Variants in RASA2 observed in about 807,000 individuals in gnomAD.
RASA2 encodes RAS p21 protein activator 2.
RASA2 carries 155 observed loss-of-function variants against 118.2 expected under a neutral mutation model. The ratio of observed to expected loss-of-function variants is 1.31; its 90% CI spans 1.15 to 1.50. RASA2 has a LOEUF of 1.50. RASA2 is among the 40% of genes most tolerant of loss of function. RASA2 has a pLI of 0.00. For missense variants in RASA2, 1,016 were observed against 1,009.6 expected, an observed-to-expected ratio of 1.01 and a Z score of -0.09; for synonymous variants, 353 against 349.1, an observed-to-expected ratio of 1.01 and a Z score of -0.12.
Position 141,574,067 on chromosome 3 carries a change from A to G in RASA2, c.1483A>G (p.Asn495Asp). 2.0e-6 allele frequency: 3 copies of G among 1,468,756 alleles called. No individual in the cohort carries two copies. The highest frequency in any genetic ancestry group is 2.7e-6 in the Non-Finnish European group (3 of 1,101,046). The allele number at this position is 1,468,756 out of a possible 1,614,324, so 91.0% of individuals were successfully genotyped here. The stretch of plus-strand genomic sequence containing the variant: ...GCAGATGGCTACTCAGAGATTTCCT[A>G]GTAAGTGCCTTGTTTTACTAAAACA... ...LRQMATQRFP[N>D]DPHVQYSAVS... The change falls in exon 14 of 24, where the codon AAT (asparagine) becomes GAT (aspartate). Residue 495 changes from asparagine (N) to aspartate (D), a missense_variant and splice_region_variant. Transcript: ENST00000286364.
chr3:141,572,805 A>G, intron 12 of RASA2, 82 bp downstream of exon 12: 1 of 1,079,802 alleles, frequency 9.3e-7, no homozygotes, highest in Non-Finnish European at 1.3e-6. Context: ...GATGGGAAGG[A>G]TTTATTCATT....
chr3:141,551,470 A>C (rs549498053), intron 5 of RASA2, among the ~76,000 whole-genome samples: 1 of 152,232 alleles, frequency 6.6e-6, no homozygotes, highest in South Asian at 2.1e-4. Context: ...TACTCAGCTG[A>C]ATACTCAGTG....
intron 17 of RASA2, among the ~76,000 whole-genome samples, chr3:141,582,821 A>G (rs1297929605): frequency 6.6e-6 from 1 of 152,250 alleles, no homozygotes; most frequent in East Asian, 1.9e-4. Context: ...GCCTAGTGAC[A>G]TTTACTATTG....
At chr3:141,532,042 A>T (rs894917956) in intron 4 of RASA2, among the ~76,000 whole-genome samples, 2 of 152,146 alleles carry the variant, frequency 1.3e-5, no homozygotes, top group Admixed American at 6.5e-5. Context: ...ACAGGAACTC[A>T]GTCTGATAAT....
At chr3:141,531,175 T>C (rs1021068771) in intron 4 of RASA2, among the ~76,000 whole-genome samples, 1 of 152,030 alleles carries the variant, frequency 6.6e-6, no homozygotes, top group African/African-American at 2.4e-5. Context: ...AGTTTTTCTT[T>C]TAATAGTTTT....
chr3:141,582,944 C>T (rs2083139447), intron 17 of RASA2, among the ~76,000 whole-genome samples: 1 of 152,138 alleles, frequency 6.6e-6, no homozygotes, highest in African/African-American at 2.4e-5. Flanking sequence ...GATGTCTAAA[C>T]CAGAACACTT....
At chr3:141,561,083 A>T (rs1178566141) in intron 9 of RASA2, among the ~76,000 whole-genome samples, 1 of 152,166 alleles carries the variant, frequency 6.6e-6, no homozygotes, top group Non-Finnish European at 1.5e-5. Flanking sequence ...GCATCCACAG[A>T]GGGGGAAAAA....
At chr3:141,538,828 G>T (rs2082365474) in intron 4 of RASA2, among the ~76,000 whole-genome samples, 1 of 152,080 alleles carries the variant, frequency 6.6e-6, no homozygotes, top group Non-Finnish European at 1.5e-5. Context: ...CAATAATAAT[G>T]ATTTCTGGCA....
chr3:141,569,201 A>G (rs1056190199), intron 9 of RASA2, among the ~76,000 whole-genome samples: 3 of 152,126 alleles, frequency 2.0e-5, no homozygotes, highest in Non-Finnish European at 4.4e-5. Flanking sequence ...GGATGTTTTT[A>G]GATATTTTGC....
chr3:141,572,057 T>C (rs1490023836), intron 11 of RASA2, among the ~76,000 whole-genome samples: 3 of 126,368 alleles, frequency 2.4e-5, no homozygotes, highest in East Asian at 4.6e-4. Flanking sequence ...TATATATATA[T>C]ATATACACAC....
At chr3:141,489,110 G>A (rs1420238803) in intron 1 of RASA2, among the ~76,000 whole-genome samples, 1 of 152,188 alleles carries the variant, frequency 6.6e-6, no homozygotes, top group Admixed American at 6.5e-5. Context: ...TCATCCAGCT[G>A]CTGGGAATGA....
chr3:141,555,128 G>C (rs1416672581), intron 6 of RASA2, among the ~76,000 whole-genome samples: 1 of 152,176 alleles, frequency 6.6e-6, no homozygotes, highest in Non-Finnish European at 1.5e-5. Context: ...GGGTGTGGTG[G>C]CTCATGCCTG....
chr3:141,581,152 A>G lies in RASA2; in HGVS notation c.1727A>G (p.Glu576Gly). The change falls in exon 17 of 24, where the codon GAA becomes GGA. Residue 576 changes from glutamate to glycine, a missense_variant. Around this residue, in one of 2 missense-constraint regions of RASA2, gnomAD observed 896 missense variants for 836.4 expected, o/e 1.07. Coordinates refer to ENST00000286364, the MANE Select transcript of RASA2 (RefSeq NM_006506.5). The stretch of plus-strand genomic sequence containing the variant: ...GAATTTTTCAAAATGTTTCAAGAAG[A>G]AGGATATATTATAGCAGTTAAAAAG... Reference protein sequence around the residue: ...MCEFFKMFQEEGYIIAVKKFL... With the variant: ...MCEFFKMFQEGGYIIAVKKFL... The G allele has an allele frequency of 6.5e-7, 1 of 1,539,770 alleles. No individual in the cohort carries two copies. Among genetic ancestry groups the G allele is most frequent in the African/African-American group, 1.4e-5 (1 of 70,032 alleles).
chr3:141,487,761 G>T (rs2081596085), intron 1 of RASA2, among the ~76,000 whole-genome samples: 1 of 152,100 alleles, frequency 6.6e-6, no homozygotes, highest in South Asian at 2.1e-4. Flanking sequence ...GGTTGAAAAA[G>T]GCGCCCTGAG....
In RASA2 at chr3:141,549,947, G is replaced by A. The variant is rs143897716; in HGVS notation, c.528-3910G>A. On this transcript the variant is annotated intron_variant, in intron 5 of 23. Coordinates refer to ENST00000286364, the MANE Select transcript of RASA2 (RefSeq NM_006506.5). Reference sequence around the variant, plus strand: ...AGCTTCAGAATAAATAATAATAGTGGATTAAAACTTATAGAATAAAATAAA... The same window carrying A: ...AGCTTCAGAATAAATAATAATAGTGAATTAAAACTTATAGAATAAAATAAA... Among the ~76,000 whole-genome samples, 381 of 152,210 alleles carry A rather than the reference G, an allele frequency of 2.5e-3. 4 individuals are homozygous for A. The highest frequency in any genetic ancestry group is 0.018 in the East Asian group (91 of 5,192).
At chr3:141,611,918 T>C (rs2083658612) in intron 23 of RASA2, among the ~76,000 whole-genome samples, 1 of 152,292 alleles carries the variant, frequency 6.6e-6, no homozygotes, top group Admixed American at 6.5e-5. Flanking sequence ...CTTTCTTAAA[T>C]AGTACCTCTC....
intron 9 of RASA2, among the ~76,000 whole-genome samples, chr3:141,569,094 T>A (rs531872989): frequency 1.3e-5 from 2 of 152,204 alleles, no homozygotes; most frequent in Admixed American, 6.5e-5. Flanking sequence ...TATAGTTAAG[T>A]AAAGCAAAGA....
intron 4 of RASA2, among the ~76,000 whole-genome samples, chr3:141,537,363 T>G (rs2082342487): frequency 6.6e-6 from 1 of 152,244 alleles, no homozygotes; most frequent in South Asian, 2.1e-4. Flanking sequence ...ACTCTGCTAC[T>G]AAATACATTT....
intron 3 of RASA2, among the ~76,000 whole-genome samples, chr3:141,520,232 C>T (rs541810882): frequency 2.0e-3 from 300 of 151,958 alleles, no homozygotes; most frequent in African/African-American, 6.6e-3. Flanking sequence ...AGGCTGGTCT[C>T]GAACTCCTGA....
Sources: gnomAD v4.1 joint callset for allele counts (sites outside exome capture counted in the v4.1 genomes callset) on GRCh38, gnomAD v4.1.1 for gene constraint, gnomAD v4.1.1 regional missense constraint, MANE v1.5 for transcripts, NCBI Gene and HGNC (gene_info 2026-07-23, HGNC 2026-07-21) for gene names.